The following SYT14 variants were observed in gnomAD, a reference collection of about 807,000 sequenced individuals.
SYT14 encodes the protein synaptotagmin-14.
In SYT14, 32 loss-of-function variants were observed where a neutral mutation model predicts 74.2. That is an observed-to-expected ratio of 0.43 (90% CI 0.33 to 0.58). The LOEUF is 0.58. Ranked by LOEUF, SYT14 falls within the 20% of genes least tolerant of loss-of-function variation. SYT14 has a pLI of 0.05. For synonymous variants in SYT14, 298 were observed against 337.7 expected, an observed-to-expected ratio of 0.88 and a Z score of 1.29; for missense variants, 791 against 981.8, an observed-to-expected ratio of 0.81 and a Z score of 2.60.
intron 5 of SYT14, among the ~76,000 whole-genome samples, chr1:210,059,487 G>GAGAGAC (rs2081169027): frequency 6.9e-6 from 1 of 145,390 alleles, no homozygotes; most frequent in Non-Finnish European, 1.5e-5. Context: ...GAGAGAGAGA[G>GAGAGAC]ACATGAATAG....
At chr1:210,125,320 T>C (rs2082548034) in intron 7 of SYT14, among the ~76,000 whole-genome samples, 1 of 152,086 alleles carries the variant, frequency 6.6e-6, no homozygotes, top group Non-Finnish European at 1.5e-5. Flanking sequence ...TTTGATTTTC[T>C]GTTTCTGCGC....
At chr1:210,093,865 A>G (rs886643727) in intron 5 of SYT14, among the ~76,000 whole-genome samples, 5 of 152,302 alleles carry the variant, frequency 3.3e-5, no homozygotes, top group Middle Eastern at 3.4e-3. Flanking sequence ...TCAGTAACTG[A>G]AGAATGTAGG....
At chr1:210,024,988 G>A (rs2080380379) in intron 5 of SYT14, among the ~76,000 whole-genome samples, 1 of 151,936 alleles carries the variant, frequency 6.6e-6, no homozygotes, top group South Asian at 2.1e-4. Context: ...CAGATTGAAT[G>A]TTGTTAAGGA....
At chr1:209,951,603 A>G (rs773827315) in intron 1 of SYT14, among the ~76,000 whole-genome samples, 1 of 152,206 alleles carries the variant, frequency 6.6e-6, no homozygotes, top group Non-Finnish European at 1.5e-5. Context: ...CTCGGAATAC[A>G]TTTAGAAGAA....
rs76280744 is a variant in SYT14 at position 210,051,181 on chromosome 1, C to T, written c.1312+29927C>T. Reference sequence around the variant, plus strand: ...GTATGTATTAATTTGCTCAGTCCTACGATACATATAAAATAGTTTAGGTAT... The same window carrying T: ...GTATGTATTAATTTGCTCAGTCCTATGATACATATAAAATAGTTTAGGTAT... On this transcript the variant is annotated intron_variant, in intron 5 of 9. Transcript: ENST00000637265. Among the ~76,000 whole-genome samples, 1,370 of 152,184 alleles carry T rather than the reference C, an allele frequency of 9.0e-3. 59 individuals are homozygous for T. In the East Asian group the frequency reaches 0.11, roughly 12 times the overall value.
At chr1:209,998,554 A>G (rs1200452013) in intron 2 of SYT14, among the ~76,000 whole-genome samples, 1 of 152,142 alleles carries the variant, frequency 6.6e-6, no homozygotes, top group Non-Finnish European at 1.5e-5. Context: ...TTCAAAATAC[A>G]AGGCTATAGT....
At chr1:209,977,391 G>A (rs1413723372) in intron 2 of SYT14, among the ~76,000 whole-genome samples, 1 of 152,070 alleles carries the variant, frequency 6.6e-6, no homozygotes, top group Non-Finnish European at 1.5e-5. Context: ...GCTCTTTTAG[G>A]GCAGGCCTGG....
At chr1:209,998,832 A>G (rs925647235) in intron 2 of SYT14, among the ~76,000 whole-genome samples, 2 of 152,260 alleles carry the variant, frequency 1.3e-5, no homozygotes, top group East Asian at 1.9e-4. Flanking sequence ...ACCCGAAACT[A>G]TAAAACTACT....
chr1:210,050,944 TC>T (rs2080982685), intron 5 of SYT14, among the ~76,000 whole-genome samples: 1 of 152,216 alleles, frequency 6.6e-6, no homozygotes, highest in Non-Finnish European at 1.5e-5. Flanking sequence ...AGTCCTTTCT[TC>T]CTTTTAATCC....
chr1:209,945,331 C>T (rs779399393), intron 1 of SYT14, among the ~76,000 whole-genome samples: 2 of 152,150 alleles, frequency 1.3e-5, no homozygotes, highest in Admixed American at 6.5e-5. Context: ...AATTCAGAAG[C>T]AATGATCTTT....
At chr1:210,003,916 T>G (rs1031353319) in intron 2 of SYT14, among the ~76,000 whole-genome samples, 9 of 152,102 alleles carry the variant, frequency 5.9e-5, no homozygotes, top group African/African-American at 1.9e-4. Flanking sequence ...TGTTTCTGTT[T>G]GTTTTATTCT....
At chr1:210,135,106 G>A (rs929240272) in intron 7 of SYT14, among the ~76,000 whole-genome samples, 6 of 151,578 alleles carry the variant, frequency 4.0e-5, no homozygotes, top group African/African-American at 1.2e-4. Flanking sequence ...TCAGCCTCCC[G>A]AGTACCTAGG....
At chr1:210,029,630 T>C (rs988774179) in intron 5 of SYT14, among the ~76,000 whole-genome samples, 1 of 152,202 alleles carries the variant, frequency 6.6e-6, no homozygotes, top group Non-Finnish European at 1.5e-5. Context: ...ATGTTTGTCT[T>C]TAGCCAGTAC....
At chr1:209,986,674 A>C (rs1168871079) in intron 2 of SYT14, among the ~76,000 whole-genome samples, 5 of 151,550 alleles carry the variant, frequency 3.3e-5, no homozygotes, top group African/African-American at 1.2e-4. Context: ...TTCTTTTTTG[A>C]GACGGAGTCT....
rs1383303627 is a variant in SYT14, at chr1:210,071,717, TAAGA to T, written c.1313-22599_1313-22596del. ...GTGAAGAAAGATTTGGTTGCTACAC[TAAGA>T]AAGAAGAAAGTAGGGGTAGAATGAG... is the stretch of plus-strand genomic sequence containing the variant. On this transcript the variant is annotated intron_variant, in intron 5 of 9. Coordinates refer to ENST00000637265, the Ensembl canonical transcript of SYT14. Among the ~76,000 whole-genome samples, 3 of 152,140 alleles carry T rather than the reference TAAGA, an allele frequency of 2.0e-5. No homozygotes were observed. In the South Asian group the frequency reaches 6.2e-4, roughly 31 times the overall value.
intron 2 of SYT14, among the ~76,000 whole-genome samples, chr1:209,975,491 A>G (rs1322636938): frequency 6.6e-6 from 1 of 152,108 alleles, no homozygotes; most frequent in Non-Finnish European, 1.5e-5. Flanking sequence ...TTGGTTCTGT[A>G]TATGCTGGAT....
At chr1:210,167,728 C>T (rs972185717) in exon 10 of SYT14, 1 of 152,020 alleles carries the variant, frequency 6.6e-6, no homozygotes, top group Non-Finnish European at 1.5e-5. Flanking sequence ...TTAAGGTAAT[C>T]AGCTTGATAG....
intron 7 of SYT14, among the ~76,000 whole-genome samples, chr1:210,136,986 A>G (rs1405232499): frequency 3.3e-5 from 5 of 152,182 alleles, no homozygotes; most frequent in African/African-American, 1.2e-4. Context: ...CAGTTGAAAC[A>G]TTGCTGAGAG....
At chr1:209,945,017 C>T (rs949790417) in intron 1 of SYT14, among the ~76,000 whole-genome samples, 6 of 152,070 alleles carry the variant, frequency 3.9e-5, no homozygotes, top group Admixed American at 6.6e-5. Flanking sequence ...TCATGAATAG[C>T]ACTGCTTCTC....
Sources: allele counts gnomAD v4.1 joint callset (sites outside exome capture counted in the v4.1 genomes callset), GRCh38; gene constraint gnomAD v4.1.1; transcripts MANE v1.5; gene names NCBI Gene and HGNC (gene_info 2026-07-23, HGNC 2026-07-21).